ATRNL1: variants seen among roughly 807,000 people sequenced by gnomAD.
ATRNL1 encodes attractin like 1, also known as attractin-like protein 1.
A neutral mutation model predicts 182.7 loss-of-function variants in ATRNL1; 95 were observed. That is an observed-to-expected ratio of 0.52 (90% CI 0.44 to 0.62). The LOEUF (loss-of-function observed/expected upper bound fraction) is 0.62, where lower values mean the gene tolerates loss of function less well. Among genes scored for constraint, ATRNL1 ranks in the 20% least tolerant of loss-of-function variants. The pLI, the probability that ATRNL1 is intolerant of heterozygous loss-of-function variation, is 0.00. For synonymous variants in ATRNL1, 576 were observed against 568.3 expected, an observed-to-expected ratio of 1.01 and a Z score of -0.19; for missense variants, 1,471 against 1,679.5, an observed-to-expected ratio of 0.88 and a Z score of 2.17.
At chr10:115,732,540 T>A (rs1292180058) in intron 27 of ATRNL1, among the ~76,000 whole-genome samples, 1 of 152,210 alleles carries the variant, frequency 6.6e-6, no homozygotes, top group Non-Finnish European at 1.5e-5. Context: ...TTACATACAC[T>A]ATCTCAATCT....
intron 26 of ATRNL1, among the ~76,000 whole-genome samples, chr10:115,571,727 C>A (rs1854409262): frequency 6.6e-6 from 1 of 152,028 alleles, no homozygotes; most frequent in Non-Finnish European, 1.5e-5. Context: ...AATTAATTTG[C>A]AGCTATTACC....
chr10:115,810,294 T>G (rs893708608), intron 27 of ATRNL1, among the ~76,000 whole-genome samples: 1 of 152,002 alleles, frequency 6.6e-6, no homozygotes, highest in Admixed American at 6.6e-5. Flanking sequence ...TAATGCTGGT[T>G]TCATGAAATG....
At chr10:115,385,568 A>G (rs1431790167) in intron 19 of ATRNL1, among the ~76,000 whole-genome samples, 1 of 152,162 alleles carries the variant, frequency 6.6e-6, no homozygotes, top group East Asian at 1.9e-4. Context: ...TTTAAAGTAG[A>G]TAAATTATAT....
intron 21 of ATRNL1, among the ~76,000 whole-genome samples, chr10:115,431,661 T>G (rs767717886): frequency 1.3e-5 from 2 of 152,112 alleles, no homozygotes; most frequent in Non-Finnish European, 2.9e-5. Flanking sequence ...TGACAGTTTT[T>G]GTCACTAATG....
intron 28 of ATRNL1, among the ~76,000 whole-genome samples, chr10:115,850,692 A>G (rs1555100260): frequency 1.3e-5 from 2 of 152,238 alleles, no homozygotes; most frequent in Non-Finnish European, 2.9e-5. Flanking sequence ...TGACAATGAT[A>G]GGAGACTTGG....
Position 115,677,903 on chromosome 10 carries a change from G to C in ATRNL1, c.3796-49345G>C, listed in dbSNP as rs1485639874. 2.6e-5 allele frequency among the ~76,000 whole-genome samples: 4 copies of C among 151,978 alleles called. 1 individual carries two copies. Among genetic ancestry groups the C allele is most frequent in the Admixed American group, 2.6e-4 (4 of 15,216 alleles). On this transcript the variant is annotated intron_variant, in intron 26 of 28. Coordinates refer to ENST00000355044, the MANE Select transcript of ATRNL1 (RefSeq NM_207303.4). Reference sequence around the variant, plus strand: ...TAGCCCAGGTGCTATCTATAGCCTGGGGCCAGCAGATATCGGGCATAGTTT... The same window carrying C: ...TAGCCCAGGTGCTATCTATAGCCTGCGGCCAGCAGATATCGGGCATAGTTT...
chr10:115,598,910 G>A (rs372980892), intron 26 of ATRNL1, among the ~76,000 whole-genome samples: 29 of 115,318 alleles, frequency 2.5e-4, no homozygotes, highest in African/African-American at 7.0e-4. Context: ...GTTTTTGCAC[G>A]TAGTTGTGAA....
chr10:115,388,843 A>T (rs188529987), intron 19 of ATRNL1, among the ~76,000 whole-genome samples: 37 of 152,148 alleles, frequency 2.4e-4, no homozygotes, highest in African/African-American at 8.7e-4. Context: ...TAATAATTAT[A>T]TGTATTATAT....
At chr10:115,368,910 C>A (rs112383819) in intron 19 of ATRNL1, among the ~76,000 whole-genome samples, 3 of 151,952 alleles carry the variant, frequency 2.0e-5, no homozygotes, top group Admixed American at 2.0e-4. Context: ...GACGGGGTTT[C>A]ACCATGTTGG....
At chr10:115,119,795 A>G (rs1844647129) in intron 1 of ATRNL1, among the ~76,000 whole-genome samples, 1 of 152,108 alleles carries the variant, frequency 6.6e-6, no homozygotes, top group South Asian at 2.1e-4. Flanking sequence ...AGTGGAACAT[A>G]CGTATACTTT....
intron 28 of ATRNL1, among the ~76,000 whole-genome samples, chr10:115,912,232 C>G (rs1555116089): frequency 6.6e-6 from 1 of 152,008 alleles, no homozygotes; most frequent in Non-Finnish European, 1.5e-5. Flanking sequence ...GAAAAGCTCA[C>G]AGAAATCAAT....
At chr10:115,376,291 T>A (rs1857667266) in intron 19 of ATRNL1, among the ~76,000 whole-genome samples, 1 of 148,220 alleles carries the variant, frequency 6.7e-6, no homozygotes, top group South Asian at 2.1e-4. Flanking sequence ...TTTGACTTTA[T>A]TTATTTATTT....
intron 18 of ATRNL1, among the ~76,000 whole-genome samples, chr10:115,318,278 G>T (rs1361394981): frequency 6.6e-6 from 1 of 152,130 alleles, no homozygotes; most frequent in East Asian, 1.9e-4. Context: ...ATGTGCTGCT[G>T]GATTCGGTTT....
chr10:115,756,982 C>T (rs1555072210), intron 27 of ATRNL1, among the ~76,000 whole-genome samples: 1 of 152,002 alleles, frequency 6.6e-6, no homozygotes, highest in African/African-American at 2.4e-5. Flanking sequence ...TATTGCAACC[C>T]CTGCTTTTTT....
In ATRNL1 at chr10:115,469,906, T is replaced by C. The variant is rs147131765; in HGVS notation, c.3654+577T>C. Among the ~76,000 whole-genome samples the C allele has an allele frequency of 5.5e-3, 824 of 150,664 alleles. 1 individual carries two copies. Among genetic ancestry groups the C allele is most frequent in the Non-Finnish European group, 9.3e-3 (621 of 66,888 alleles). On this transcript the variant is annotated intron_variant, in intron 24 of 28. Transcript: ENST00000355044. ...TTGGAATATTCTTTCTATCTTATAG[T>C]CAAGGTTTGTGTTCTTAATTTATGT...
At chr10:115,818,185 GTT>G (rs3027964) in intron 27 of ATRNL1, among the ~76,000 whole-genome samples, 32,738 of 130,714 alleles carry the variant, frequency 0.25, 3,776 homozygotes, top group African/African-American at 0.36. Flanking sequence ...ATTTGATTCC[GTT>G]TTTTTTTTTT....
chr10:115,719,848 C>G (rs1947365841), intron 26 of ATRNL1, among the ~76,000 whole-genome samples: 1 of 148,544 alleles, frequency 6.7e-6, no homozygotes, highest in Non-Finnish European at 1.5e-5. Flanking sequence ...TTCTATCCAC[C>G]CCCCCACACA....
rs1244912270 is a variant in ATRNL1 at position 115,494,712 on chromosome 10, AT to A, written c.3655-24546del. 2.0e-5 allele frequency among the ~76,000 whole-genome samples: 3 copies of A among 152,228 alleles called. No homozygotes were observed. The East Asian group carries it at 5.8e-4, about 29-fold the overall frequency. ...AGCCTACTTAATTGTGGTGGATTGG[AT>A]TTTTGATATGCTGCTCAATTCACTT... On this transcript the variant is annotated intron_variant, in intron 24 of 28. Transcript: ENST00000355044.
chr10:115,307,711 A>T (rs528423911), intron 17 of ATRNL1, among the ~76,000 whole-genome samples: 1 of 152,190 alleles, frequency 6.6e-6, no homozygotes, highest in Non-Finnish European at 1.5e-5. Context: ...ATTATGTTTA[A>T]TTTTTCCCGT....
Sources: gnomAD v4.1 joint callset for allele counts (sites outside exome capture counted in the v4.1 genomes callset) on GRCh38, gnomAD v4.1.1 for gene constraint, MANE v1.5 for transcripts, NCBI Gene and HGNC (gene_info 2026-07-23, HGNC 2026-07-21) for gene names.